FTSJ3: variants seen among roughly 807,000 people sequenced by gnomAD.
FTSJ3 encodes the protein pre-rRNA 2'-O-ribose RNA methyltransferase FTSJ3.
Under a neutral mutation model 111.5 loss-of-function variants are expected in FTSJ3, and 46 were observed. That is an observed-to-expected ratio of 0.41 (90% confidence interval 0.33 to 0.53). FTSJ3 has a LOEUF of 0.53. Ranked by LOEUF, FTSJ3 falls within the 20% of genes least tolerant of loss-of-function variation. The probability of loss-of-function intolerance (pLI) is 0.19; values close to 1 mark genes in which losing one functional copy is unlikely to be tolerated. For synonymous variants in FTSJ3, 408 were observed against 383.0 expected (o/e 1.07, Z -0.76); for missense variants, 1,075 against 1,063.8 (o/e 1.01, Z -0.15).
In FTSJ3 at chr17:63,820,064, G is replaced by A. The variant is rs1469560999; in HGVS notation, c.2351+15C>T. On this transcript the variant is annotated intron_variant, in intron 20 of 20. Coordinates refer to ENST00000427159, the MANE Select transcript of FTSJ3 (RefSeq NM_017647.4). The stretch of plus-strand genomic sequence containing the variant: ...ACTTTTAGCCCTGTGTACCTTTGTG[G>A]TGTCCTCCCATTACCTTCGCAGCTG... The A allele has an allele frequency of 2.5e-6, 4 of 1,613,966 alleles. No homozygotes were observed. The highest frequency in any genetic ancestry group is 1.1e-5 in the South Asian group (1 of 91,074).
chr17:63,821,448 A>C lies in FTSJ3; in HGVS notation c.1792T>G (p.Ser598Ala), dbSNP rs1459471593. The C allele has an allele frequency of 3.7e-6, 6 of 1,614,058 alleles. No homozygotes were observed. The highest frequency in any genetic ancestry group is 2.7e-5 in the African/African-American group (2 of 74,910). The change falls in exon 16 of 21, where the codon TCT (serine) becomes GCT (alanine). Residue 598 changes from serine to alanine, a missense_variant. Around this residue, in one of 2 missense-constraint regions of FTSJ3, gnomAD observed 867 missense variants for 796.9 expected, o/e 1.09. Coordinates refer to ENST00000427159, the MANE Select transcript of FTSJ3 (RefSeq NM_017647.4). ...QDEAPKGTEA[S>A]SGTEAATGLE... ...CCAGTGGCAGCTTCTGTCCCCGAAG[A>C]AGCCTCTGTTCCCTTAGGGGCTTCA...
In FTSJ3 at chr17:63,824,832, G is replaced by T; in HGVS notation, c.809C>A (p.Ala270Asp). ...AANPVDFLSK[A>D]SEIMVDDEEL... is the part of the protein sequence containing the mutation. The stretch of plus-strand genomic sequence containing the variant: ...TCAAGGCTGGAGACTCACTTCGCTG[G>T]CCTTGGAGAGGAAGTCAACAGGGTT... Residue 270 changes from alanine (A) to aspartate (D), a missense_variant, in exon 9 of 21, where the codon GCC becomes GAC. By Grantham distance (126) the Ala-to-Asp change is moderately radical. Transcript: ENST00000427159. 6.2e-7 allele frequency: 1 copy of T among 1,610,074 alleles called. No homozygotes were observed. Among genetic ancestry groups the T allele is most frequent in the Non-Finnish European group, 8.5e-7 (1 of 1,177,244 alleles).
rs1166914926 is a variant in FTSJ3 at position 63,825,275 on chromosome 17, G to A, written c.562C>T (p.His188Tyr). 1.2e-6 allele frequency: 2 copies of A among 1,614,208 alleles called. No individual in the cohort carries two copies. Residue 188 changes from histidine to tyrosine, a missense_variant, in exon 7 of 21, where the codon CAT (histidine) becomes TAT (tyrosine). Transcript: ENST00000427159. ...VQATKPQASR[H>Y]ESAEIFVVCQ... Reference sequence around the variant, plus strand: ...ACTACAAAGATCTCTGCAGATTCATGGCGAGAGGCTTGGGGCTTGGTGGCC... The same window carrying A: ...ACTACAAAGATCTCTGCAGATTCATAGCGAGAGGCTTGGGGCTTGGTGGCC...
rs775548004 is a variant in FTSJ3, at chr17:63,825,574, T to C, written c.362A>G (p.Asn121Ser). The change falls in exon 6 of 21, where the codon AAC becomes AGC. Residue 121 changes from asparagine (N) to serine (S), a missense_variant. Physicochemically the swap from Asn to Ser is conservative, Grantham distance 46. Coordinates refer to ENST00000427159, the MANE Select transcript of FTSJ3 (RefSeq NM_017647.4). Reference protein sequence around the residue: ...VDVVLNDGAPNVGASWVHDAY... With the variant: ...VDVVLNDGAPSVGASWVHDAY... ...ATCATGGACCCAGCTAGCCCCAACG[T>C]TGGGGGCCCCATCATTGAGCACAAC... 6 of 1,613,542 alleles carry C rather than the reference T, an allele frequency of 3.7e-6. No individual in the cohort carries two copies. Among genetic ancestry groups the C allele is most frequent in the African/African-American group, 1.3e-5 (1 of 75,018 alleles).
chr17:63,827,640 T>C lies in FTSJ3; in HGVS notation c.-615A>G. 6.6e-7 allele frequency: 1 copy of C among 1,521,188 alleles called. No individual in the cohort carries two copies. Among genetic ancestry groups the C allele is most frequent in the Non-Finnish European group, 8.8e-7 (1 of 1,130,626 alleles). 94.2% of individuals were successfully genotyped at this position (1,521,188 alleles called of 1,614,324 possible). A position where few individuals can be genotyped will look rare whatever the true frequency, so the allele number is the denominator to read the frequency against. On this transcript the variant is annotated 5_prime_UTR_variant, in exon 1 of 21. Transcript: ENST00000427159. The stretch of plus-strand genomic sequence containing the variant: ...CGGAGGTGCCTGGACCAGTCCATGC[T>C]GGACGCTGCCTGCGACCGGATCTGC...
intron 16 of FTSJ3, 24 bp from the exon 17 acceptor site, chr17:63,821,139 G>C: frequency 1.2e-6 from 2 of 1,609,108 alleles, no homozygotes; most frequent in Non-Finnish European, 1.7e-6. Context: ...AGGACTCTGA[G>C]TGATTCCACC....
chr17:63,819,490 C>A lies in FTSJ3; in HGVS notation c.*312G>T. On this transcript the variant is annotated 3_prime_UTR_variant, in exon 21 of 21. Transcript: ENST00000427159. The stretch of plus-strand genomic sequence containing the variant: ...TGGGGGTGGGGAGGGCTTAAGTGGC[C>A]CACACGTCCAGGTGTAGACTGACTA... The A allele has an allele frequency of 7.0e-6, 2 of 284,036 alleles. No individual in the cohort carries two copies. The highest frequency in any genetic ancestry group is 1.0e-4 in the South Asian group (1 of 9,824). The allele number at this position is 284,036 out of a possible 1,614,324, so 17.6% of individuals were successfully genotyped here.
Position 63,821,454 on chromosome 17 carries a change from C to G in FTSJ3, c.1786G>C (p.Glu596Gln). ...LYQDEAPKGT[E>Q]ASSGTEAATG... ...GCAGCTTCTGTCCCCGAAGAAGCCTCTGTTCCCTTAGGGGCTTCATCTTGG... is the reference window on the plus strand; with the variant it reads ...GCAGCTTCTGTCCCCGAAGAAGCCTGTGTTCCCTTAGGGGCTTCATCTTGG... Residue 596 changes from glutamate (E) to glutamine (Q), a missense_variant, in exon 16 of 21, where the codon GAG (glutamate) becomes CAG (glutamine). This residue lies in a region of FTSJ3 where 867 missense variants were observed against 796.9 expected (regional missense o/e 1.09). Transcript: ENST00000427159. 1 of 1,614,256 alleles carries G rather than the reference C, an allele frequency of 6.2e-7. No individual in the cohort carries two copies. Among genetic ancestry groups the G allele is most frequent in the Non-Finnish European group, 8.5e-7 (1 of 1,180,054 alleles).
In FTSJ3 at chr17:63,826,829, G is replaced by A; in HGVS notation, c.67+7C>T. On this transcript the variant is annotated splice_region_variant and intron_variant, in intron 2 of 20. Transcript: ENST00000427159. ...CTCGCTCGCAGACTGAGCGAATCCG[G>A]ACTCACCCGTCTCCTTCGCCAAGTG... 2 of 1,613,660 alleles carry A rather than the reference G, an allele frequency of 1.2e-6. No homozygotes were observed. The highest frequency in any genetic ancestry group is 2.2e-5 in the East Asian group (1 of 44,886).
chr17:63,827,523 G>A lies in FTSJ3; in HGVS notation c.-498C>T, dbSNP rs1188474924. On this transcript the variant is annotated 5_prime_UTR_variant, in exon 1 of 21. Transcript: ENST00000427159. ...TTGACGGACCAGAGCAGGTATGGCGGGTGCAGTGGCGGCCCGGCAGGTTAC... is the reference window on the plus strand; with the variant it reads ...TTGACGGACCAGAGCAGGTATGGCGAGTGCAGTGGCGGCCCGGCAGGTTAC... 24 of 1,551,556 alleles carry A rather than the reference G, an allele frequency of 1.5e-5. No homozygotes were observed. The East Asian group carries it at 5.9e-4, about 38-fold the overall frequency.
chr17:63,824,605 C>A (rs1216457835), intron 10 of FTSJ3, 32 bp downstream of exon 10: 1 of 1,557,808 alleles, frequency 6.4e-7, no homozygotes, highest in East Asian at 2.2e-5. Context: ...GCCTCCAGGG[C>A]TCCTGGCCCC....
chr17:63,824,030 C>G, intron 12 of FTSJ3, 54 bp downstream of exon 12: 1 of 1,613,734 alleles, frequency 6.2e-7, no homozygotes, highest in Non-Finnish European at 8.5e-7. Flanking sequence ...CTTCTCCCAT[C>G]TTCACACAGT....
intron 16 of FTSJ3, 70 bp downstream of exon 16, chr17:63,821,284 C>A: frequency 6.5e-7 from 1 of 1,534,610 alleles, no homozygotes; most frequent in Non-Finnish European, 8.9e-7. Context: ...AGATTAAGAA[C>A]CCCCAATTTA....
At chr17:63,826,456 C>G in intron 3 of FTSJ3, 111 bp downstream of exon 3, 1 of 1,181,386 alleles carries the variant, frequency 8.5e-7, no homozygotes, top group Non-Finnish European at 1.3e-6. Context: ...AGGAAACGGC[C>G]CCCAAGAGGA....
In FTSJ3 at chr17:63,819,508, A is replaced by G. The variant is rs2144599999; in HGVS notation, c.*294T>C. 2.8e-6 allele frequency: 1 copy of G among 359,382 alleles called. No individual in the cohort carries two copies. Among genetic ancestry groups the G allele is most frequent in the East Asian group, 4.9e-5 (1 of 20,558 alleles). The allele number at this position is 359,382 out of a possible 1,614,324, so 22.3% of individuals were successfully genotyped here. On this transcript the variant is annotated 3_prime_UTR_variant, in exon 21 of 21. Transcript: ENST00000427159. ...AAGTGGCCCACACGTCCAGGTGTAG[A>G]CTGACTACATTGAGTATCGCTCCAA... is the stretch of plus-strand genomic sequence containing the variant.
chr17:63,826,280 C>A lies in FTSJ3; in HGVS notation c.198G>T (p.Met66Ile). Residue 66 changes from methionine to isoleucine, a missense_variant, in exon 4 of 21, where the codon ATG becomes ATT. Coordinates refer to ENST00000427159, the MANE Select transcript of FTSJ3 (RefSeq NM_017647.4). ...CACCCACAATAAGGCTGGATACAGG[C>A]ATAAACTTGGCAGCTACCTGCAGCC... Reference protein sequence around the residue: ...GGWLQVAAKFMPVSSLIVGVD... With the variant: ...GGWLQVAAKFIPVSSLIVGVD... 1 of 1,614,164 alleles carries A rather than the reference C, an allele frequency of 6.2e-7. No homozygotes were observed. The highest frequency in any genetic ancestry group is 1.7e-5 in the Admixed American group (1 of 60,026).
Position 63,824,224 on chromosome 17 carries a change from C to T in FTSJ3, c.1014G>A (p.Glu338=). 1 of 1,614,142 alleles carries T rather than the reference C, an allele frequency of 6.2e-7. No homozygotes were observed. Among genetic ancestry groups the T allele is most frequent in the South Asian group, 1.1e-5 (1 of 91,084 alleles). ...AGTCCTCCTCATCACCTTCATCTTC[C>T]TCTCCAGAGCTGAGGCTGGCAAAAC... ...KALDISLSSG[E]EDEGDEEDST... The change falls in exon 12 of 21, where the codon GAG becomes GAA. Residue 338 remains glutamate (E), a synonymous_variant. Coordinates refer to ENST00000427159, the MANE Select transcript of FTSJ3 (RefSeq NM_017647.4).
intron 13 of FTSJ3, 186 bp downstream of exon 13, chr17:63,823,631 C>G (rs2040070417): frequency 1.6e-6 from 1 of 643,716 alleles, no homozygotes; most frequent in African/African-American, 1.8e-5. Context: ...ACTCATCTAT[C>G]TACCTAACTC....
rs987907949 is a variant in FTSJ3 at position 63,827,473 on chromosome 17, C to G, written c.-448G>C. 5.8e-6 allele frequency: 9 copies of G among 1,551,622 alleles called. No homozygotes were observed. The African/African-American group carries it at 8.2e-5, about 14-fold the overall frequency. On this transcript the variant is annotated 5_prime_UTR_variant, in exon 1 of 21. Coordinates refer to ENST00000427159, the MANE Select transcript of FTSJ3 (RefSeq NM_017647.4). ...CCAAGACGGCTCGGATGCCGGCGGT[C>G]TCTGCTGAAGAGAGAAGATGGCGCT...
Sources: allele counts gnomAD v4.1 joint callset, GRCh38; gene constraint gnomAD v4.1.1; regional missense constraint gnomAD v4.1.1; transcripts MANE v1.5; gene names NCBI Gene and HGNC (gene_info 2026-07-23, HGNC 2026-07-21).